The following TRIOBP variants were observed in gnomAD, a reference collection of about 807,000 sequenced individuals.
TRIOBP encodes TRIO and F-actin binding protein, also known as TRIO and F-actin-binding protein.
A neutral mutation model predicts 238.8 loss-of-function variants in TRIOBP; 169 were observed. The ratio of observed to expected loss-of-function variants is 0.71; its 90% CI spans 0.62 to 0.80. The LOEUF (loss-of-function observed/expected upper bound fraction) is 0.80. TRIOBP is among the 30% of genes least tolerant of loss of function. The probability of loss-of-function intolerance (pLI) is 0.00; values close to 1 mark genes in which losing one functional copy is unlikely to be tolerated. For missense variants in TRIOBP, 2,838 were observed against 3,122.6 expected (o/e 0.91, Z 2.17); for synonymous variants, 1,150 against 1,274.4 (o/e 0.90, Z 2.08).
chr22:37,770,559 TAG>T (rs1465014190), intron 21 of TRIOBP, among the ~76,000 whole-genome samples: 13 of 151,854 alleles, frequency 8.6e-5, no homozygotes, highest in Non-Finnish European at 1.8e-4. Context: ...GTATTTTTAG[TAG>T]AGACAGGGTT....
chr22:37,735,503 C>G (rs967216672), intron 9 of TRIOBP, 61 bp downstream of exon 9: 32 of 1,530,840 alleles, frequency 2.1e-5, no homozygotes, highest in Non-Finnish European at 2.7e-5. Flanking sequence ...AGCCAAGTCT[C>G]CTTGGAAAAG....
chr22:37,713,533 C>T, intron 5 of TRIOBP, 122 bp downstream of exon 5: 1 of 1,283,220 alleles, frequency 7.8e-7, no homozygotes, highest in Non-Finnish European at 1.1e-6. Flanking sequence ...ACGAGGTCCT[C>T]TGGACCATTA....
At chr22:37,748,637 G>T (rs934343415) in intron 11 of TRIOBP, among the ~76,000 whole-genome samples, 1 of 152,048 alleles carries the variant, frequency 6.6e-6, no homozygotes, top group Non-Finnish European at 1.5e-5. Flanking sequence ...GCTGGGTCCT[G>T]GCAGGTAAAC....
intron 2 of TRIOBP, among the ~76,000 whole-genome samples, chr22:37,698,681 A>G (rs186116318): frequency 6.6e-6 from 1 of 152,194 alleles, no homozygotes; most frequent in Admixed American, 6.5e-5. Flanking sequence ...AATAAAAAAG[A>G]AAAAAATTAG....
chr22:37,732,726 G>A (rs1924487178), intron 7 of TRIOBP, among the ~76,000 whole-genome samples: 1 of 152,212 alleles, frequency 6.6e-6, no homozygotes, highest in Non-Finnish European at 1.5e-5. Context: ...AATATGGACA[G>A]GAAAAGGCAG....
chr22:37,721,902 AG>A (rs1266465478), intron 6 of TRIOBP, among the ~76,000 whole-genome samples: 2 of 152,196 alleles, frequency 1.3e-5, no homozygotes, highest in African/African-American at 2.4e-5. Context: ...AGCGGGGTGG[AG>A]GGTGACACAC....
intron 8 of TRIOBP, among the ~76,000 whole-genome samples, 166 bp from the exon 9 acceptor site, chr22:37,734,233 G>A (rs752522789): frequency 6.6e-6 from 1 of 152,204 alleles, no homozygotes; most frequent in Non-Finnish European, 1.5e-5. Context: ...AAAGGGAGGA[G>A]CTGACCCCGG....
chr22:37,734,379 C>A lies in TRIOBP; in HGVS notation c.4063-20C>A. 6 of 1,610,040 alleles carry A rather than the reference C, an allele frequency of 3.7e-6. No individual in the cohort carries two copies. Among genetic ancestry groups the A allele is most frequent in the Non-Finnish European group, 5.1e-6 (6 of 1,177,870 alleles). Reference sequence around the variant, plus strand: ...GTCCCCAGAGAGAGAGCCTCACCTACCCCCTCACCTCATCCCCAGGTGACC... The same window carrying A: ...GTCCCCAGAGAGAGAGCCTCACCTAACCCCTCACCTCATCCCCAGGTGACC... On this transcript the variant is annotated intron_variant, in intron 8 of 23. Transcript: ENST00000644935.
Position 37,741,025 on chromosome 22 carries a change from G to A in TRIOBP, c.5315G>A (p.Trp1772Ter). The A allele has an allele frequency of 6.4e-7, 1 of 1,562,874 alleles. No individual in the cohort carries two copies. The stretch of plus-strand genomic sequence containing the variant: ...CTGCTGTCTCTGGGGGTCCTCAGGT[G>A]GCGAAGGGTAGGCTGGCTCCAGTGG... ...PFLLSLGVLRWRRPDLLNFKK... is the reference protein window; with the variant it reads ...PFLLSLGVLR Residue 1772 changes from tryptophan (W) to a stop codon, truncating the protein, a stop_gained, in exon 11 of 24, where the codon TGG becomes TAG. Transcript: ENST00000644935. LOFTEE classifies it high-confidence loss of function.
chr22:37,742,789 A>G (rs1925003013), intron 11 of TRIOBP, among the ~76,000 whole-genome samples: 1 of 152,208 alleles, frequency 6.6e-6, no homozygotes, highest in South Asian at 2.1e-4. Flanking sequence ...CTGGCTAACC[A>G]GCACTTATTG....
intron 21 of TRIOBP, 116 bp from the exon 22 acceptor site, chr22:37,771,534 C>G (rs2145884428): frequency 1.1e-6 from 1 of 875,432 alleles, no homozygotes; most frequent in South Asian, 1.4e-5. Context: ...GGTTTTTGTG[C>G]AGATAGGGGC....
chr22:37,725,241 A>T lies in TRIOBP; in HGVS notation c.2685A>T (p.Ser895=), dbSNP rs761521633. 56 of 1,613,798 alleles carry T rather than the reference A, an allele frequency of 3.5e-5. No homozygotes were observed. Among genetic ancestry groups the T allele is most frequent in the Non-Finnish European group, 4.7e-5 (55 of 1,180,016 alleles). Reference sequence around the variant, plus strand: ...CTCAATGGAACAATCCCAGGAATTCATCTCCCCATCGTACTAACAAAGACA... The same window carrying T: ...CTCAATGGAACAATCCCAGGAATTCTTCTCCCCATCGTACTAACAAAGACA... ...RSTQWNNPRN[S]SPHRTNKDIP... is the part of the protein sequence containing the mutation. The change falls in exon 7 of 24, where the codon TCA becomes TCT. Residue 895 remains serine, a synonymous_variant. Transcript: ENST00000644935.
At position 37,724,538 on chromosome 22, in the gene TRIOBP, C is replaced by T. The variant is rs1386905519; in HGVS notation, c.1982C>T (p.Ser661Phe). The change falls in exon 7 of 24, where the codon TCC becomes TTC. Residue 661 changes from serine (S) to phenylalanine (F), a missense_variant. Ser to Phe is a radical substitution (Grantham distance 155). This residue lies in a region of TRIOBP where 167 missense variants were observed against 200.2 expected (regional missense o/e 0.83). Coordinates refer to ENST00000644935, the MANE Select transcript of TRIOBP (RefSeq NM_001039141.3). ...SCARRDDPRASSPNRTIQQEN... is the reference protein window; with the variant it reads ...SCARRDDPRAFSPNRTIQQEN... ...GCCCGACGGGACGATCCCAGAGCCT[C>T]CTCTCCTAACAGAACCATCCAACAA... is the stretch of plus-strand genomic sequence containing the variant. 2 of 1,603,550 alleles carry T rather than the reference C, an allele frequency of 1.2e-6. No individual in the cohort carries two copies. The highest frequency in any genetic ancestry group is 1.1e-5 in the South Asian group (1 of 89,314).
chr22:37,773,659 G>A (rs1926892060), intron 23 of TRIOBP, 124 bp from the exon 24 acceptor site: 1 of 152,362 alleles, frequency 6.6e-6, no homozygotes, highest in Non-Finnish European at 1.5e-5. Flanking sequence ...AGGAAGAGCG[G>A]ATCTGGCTGT....
At chr22:37,757,526 C>T in intron 15 of TRIOBP, 87 bp from the exon 16 acceptor site, 1 of 1,509,396 alleles carries the variant, frequency 6.6e-7, no homozygotes, top group South Asian at 1.2e-5. Flanking sequence ...TGGCACAGGG[C>T]CTGGCACACA....
intron 6 of TRIOBP, among the ~76,000 whole-genome samples, chr22:37,722,911 C>A (rs1440684501): frequency 6.6e-6 from 1 of 152,204 alleles, no homozygotes; most frequent in Non-Finnish European, 1.5e-5. Flanking sequence ...CCGTGGATCC[C>A]CAGACCCTGT....
Position 37,725,271 on chromosome 22 carries a change from C to G in TRIOBP, c.2715C>G (p.Pro905=). 3.1e-6 allele frequency: 5 copies of G among 1,614,048 alleles called. No individual in the cohort carries two copies. The highest frequency in any genetic ancestry group is 4.2e-6 in the Non-Finnish European group (5 of 1,180,022). ...SSPHRTNKDI[P]WASFPLRPTQ... is the part of the protein sequence containing the mutation. ...CCCATCGTACTAACAAAGACATCCC[C>G]TGGGCCTCGTTTCCCCTCCGGCCAA... The change falls in exon 7 of 24, where the codon CCC becomes CCG. Residue 905 remains proline (P), a synonymous_variant. Transcript: ENST00000644935.
rs6000871 is a variant in TRIOBP, at chr22:37,729,077, G to A, written c.3947+2574G>A. Among the ~76,000 whole-genome samples, 1,187 of 152,066 alleles carry A rather than the reference G, an allele frequency of 7.8e-3. 19 individuals are homozygous for A. The highest frequency in any genetic ancestry group is 0.027 in the African/African-American group (1,109 of 41,444). The stretch of plus-strand genomic sequence containing the variant: ...ACTACAGGAGCATGCCGCCACATCC[G>A]GCTAATTTTTTTGTATTTTTAGTAG... On this transcript the variant is annotated intron_variant, in intron 7 of 23. Transcript: ENST00000644935.
chr22:37,697,718 T>C (rs1229790994), intron 2 of TRIOBP, 22 bp downstream of exon 2: 1 of 152,250 alleles, frequency 6.6e-6, no homozygotes, highest in Non-Finnish European at 1.5e-5. Flanking sequence ...TGTGGGCAGG[T>C]GACCTGGGGG....
Sources: allele counts gnomAD v4.1 joint callset (sites outside exome capture counted in the v4.1 genomes callset), GRCh38; gene constraint gnomAD v4.1.1; regional missense constraint gnomAD v4.1.1; transcripts MANE v1.5; gene names NCBI Gene and HGNC (gene_info 2026-07-23, HGNC 2026-07-21).